The following TECPR2 variants were observed in gnomAD, a reference collection of about 807,000 sequenced individuals.
The protein encoded by TECPR2 is tectonin beta-propeller repeat-containing protein 2.
A neutral mutation model predicts 138.1 loss-of-function variants in TECPR2; 65 were observed. The observed-to-expected ratio is 0.47, with a 90% confidence interval of 0.39 to 0.58. TECPR2 has a LOEUF of 0.58. TECPR2 is among the 20% of genes least tolerant of loss of function. TECPR2 has a pLI of 0.00. For missense variants in TECPR2, 1,553 were observed against 1,824.5 expected (o/e 0.85, Z 2.71); for synonymous variants, 746 against 749.8 (o/e 0.99, Z 0.08).
chr14:102,399,919 G>T (rs1888428537), intron 2 of TECPR2, among the ~76,000 whole-genome samples: 1 of 151,752 alleles, frequency 6.6e-6, no homozygotes. Flanking sequence ...TAATATTACT[G>T]TAACAATGGT....
intron 16 of TECPR2, among the ~76,000 whole-genome samples, chr14:102,457,920 T>C (rs1890313998): frequency 7.2e-6 from 1 of 137,990 alleles, no homozygotes; most frequent in African/African-American, 2.7e-5. Context: ...TTGCCCAGGC[T>C]GGAGTGCAAT....
intron 17 of TECPR2, among the ~76,000 whole-genome samples, chr14:102,483,503 G>A (rs939917702): frequency 1.3e-5 from 2 of 151,904 alleles, no homozygotes; most frequent in Admixed American, 6.6e-5. Flanking sequence ...GCACAATGGC[G>A]CAATCACAGC....
chr14:102,477,369 C>G (rs900315439), intron 17 of TECPR2, among the ~76,000 whole-genome samples: 1 of 97,168 alleles, frequency 1.0e-5, no homozygotes, highest in South Asian at 3.2e-4. Flanking sequence ...GACTCCGTCT[C>G]AAAAAAAAAA....
intron 2 of TECPR2, among the ~76,000 whole-genome samples, chr14:102,389,140 A>T (rs1567320112): frequency 6.6e-6 from 1 of 150,522 alleles, no homozygotes; most frequent in Non-Finnish European, 1.5e-5. Context: ...CAAAAAAATA[A>T]AAATAAATAA....
chr14:102,391,409 C>T (rs958433103), intron 2 of TECPR2, among the ~76,000 whole-genome samples: 1 of 152,042 alleles, frequency 6.6e-6, no homozygotes, highest in African/African-American at 2.4e-5. Flanking sequence ...AGCTATGAAT[C>T]AAAGCAAGAG....
chr14:102,477,225 C>T (rs1890784960), intron 17 of TECPR2, among the ~76,000 whole-genome samples: 1 of 152,086 alleles, frequency 6.6e-6, no homozygotes, highest in Admixed American at 6.5e-5. Context: ...CAAAAGTCAG[C>T]TGAGTGTGGT....
intron 1 of TECPR2, among the ~76,000 whole-genome samples, chr14:102,370,260 G>T (rs997689744): frequency 2.0e-5 from 3 of 151,954 alleles, no homozygotes; most frequent in African/African-American, 7.3e-5. Flanking sequence ...TAATAGAGAT[G>T]AGGTTTCACC....
At chr14:102,392,932 C>T (rs997872899) in intron 2 of TECPR2, among the ~76,000 whole-genome samples, 3 of 152,290 alleles carry the variant, frequency 2.0e-5, no homozygotes, top group Admixed American at 1.3e-4. Context: ...CTTTTTTATT[C>T]GTTCCAATCA....
At chr14:102,455,099 G>C (rs1444990025) in intron 16 of TECPR2, among the ~76,000 whole-genome samples, 1 of 152,192 alleles carries the variant, frequency 6.6e-6, no homozygotes, top group African/African-American at 2.4e-5. Flanking sequence ...TGAGTCTCAA[G>C]AGTGTGAGGG....
chr14:102,368,833 G>A (rs571884963), intron 1 of TECPR2, among the ~76,000 whole-genome samples: 9 of 152,308 alleles, frequency 5.9e-5, no homozygotes, highest in African/African-American at 1.4e-4. Context: ...GAGTTGGTGA[G>A]GAGGCGCCAG....
Position 102,463,594 on chromosome 14 carries a change from G to A in TECPR2, c.3641-1547G>A, listed in dbSNP as rs961099612. The stretch of plus-strand genomic sequence containing the variant: ...CAGGGTAGAGGGCATTGGCCAGAAG[G>A]GAGTTGAGGGAACTTTTTGGGGTGA... On this transcript the variant is annotated intron_variant, in intron 16 of 19. Coordinates refer to ENST00000359520, the MANE Select transcript of TECPR2 (RefSeq NM_014844.5). Among the ~76,000 whole-genome samples the A allele has an allele frequency of 3.3e-5, 5 of 152,058 alleles. No homozygotes were observed. The East Asian group carries it at 9.7e-4, about 30-fold the overall frequency.
intron 11 of TECPR2, among the ~76,000 whole-genome samples, chr14:102,441,581 T>C (rs1889833894): frequency 6.6e-6 from 1 of 151,510 alleles, no homozygotes; most frequent in African/African-American, 2.4e-5. Context: ...TCCCAGCTAC[T>C]TGGGAGCCTG....
chr14:102,457,209 C>T (rs1382078584), intron 16 of TECPR2, among the ~76,000 whole-genome samples: 2 of 152,092 alleles, frequency 1.3e-5, no homozygotes, highest in Admixed American at 1.3e-4. Context: ...CTCAGCCTCC[C>T]GAGTAGCTGG....
intron 16 of TECPR2, among the ~76,000 whole-genome samples, chr14:102,461,803 C>T (rs1317834184): frequency 6.6e-6 from 1 of 152,168 alleles, no homozygotes; most frequent in African/African-American, 2.4e-5. Flanking sequence ...TGGGTCCTGC[C>T]TAACTCTAAG....
At chr14:102,481,693 C>T (rs1890897256) in intron 17 of TECPR2, among the ~76,000 whole-genome samples, 1 of 152,210 alleles carries the variant, frequency 6.6e-6, no homozygotes. Flanking sequence ...ACATGTCTCT[C>T]CTGCCAATTT....
At chr14:102,428,145 T>C (rs1192723171) in intron 6 of TECPR2, 105 bp from the exon 7 acceptor site, 1 of 1,365,776 alleles carries the variant, frequency 7.3e-7, no homozygotes, top group African/African-American at 1.5e-5. Context: ...AGTGCAGTTA[T>C]CATTTGACTG....
Position 102,498,614 on chromosome 14 carries a change from C to T in TECPR2, c.*357C>T. 2.4e-6 allele frequency: 1 copy of T among 413,994 alleles called. No homozygotes were observed. Among genetic ancestry groups the T allele is most frequent in the Non-Finnish European group, 4.6e-6 (1 of 218,844 alleles). The allele number at this position is 413,994 out of a possible 1,614,324, so 25.6% of individuals were successfully genotyped here. A position where few individuals can be genotyped will look rare whatever the true frequency, so the allele number is the denominator to read the frequency against. On this transcript the variant is annotated 3_prime_UTR_variant, in exon 20 of 20. Transcript: ENST00000359520. ...GGAGGCCTCCCAGAACCAAGGGTAG[C>T]CGGGCAGCTGGTTTGGCCCAGGGCC...
intron 7 of TECPR2, among the ~76,000 whole-genome samples, chr14:102,430,802 C>T (rs1889451028): frequency 1.3e-5 from 2 of 152,134 alleles, no homozygotes. Context: ...ACTTCTCTGT[C>T]TTGAGTTTGT....
At chr14:102,438,410 G>A (rs1889739699) in intron 10 of TECPR2, 4 of 601,616 alleles carry the variant, frequency 6.6e-6, no homozygotes, top group Admixed American at 3.5e-5. Context: ...ATGTCAATTC[G>A]TAGTGTAAAT....
Sources: allele counts gnomAD v4.1 joint callset (sites outside exome capture counted in the v4.1 genomes callset), GRCh38; gene constraint gnomAD v4.1.1; transcripts MANE v1.5; gene names NCBI Gene and HGNC (gene_info 2026-07-23, HGNC 2026-07-21).